SH3PXD2A: variants seen among roughly 807,000 people sequenced by gnomAD.
SH3PXD2A encodes the protein SH3 and PX domains 2A.
SH3PXD2A carries 32 observed loss-of-function variants against 115.2 expected under a neutral mutation model. The ratio of observed to expected loss-of-function variants is 0.28; its 90% CI spans 0.21 to 0.37. The LOEUF (loss-of-function observed/expected upper bound fraction) is 0.37. SH3PXD2A is among the 10% of genes least tolerant of loss of function. The pLI, the probability that SH3PXD2A is intolerant of heterozygous loss-of-function variation, is 1.00. For missense variants in SH3PXD2A, 1,328 were observed against 1,498.7 expected (o/e 0.89, Z 1.88); for synonymous variants, 610 against 629.1 (o/e 0.97, Z 0.45).
In SH3PXD2A at chr10:103,731,172, T is replaced by G. The variant is rs964826498; in HGVS notation, c.306+4560A>C. Among the ~76,000 whole-genome samples, 3 of 151,568 alleles carry G rather than the reference T, an allele frequency of 2.0e-5. 1 individual carries two copies. The highest frequency in any genetic ancestry group is 7.3e-5 in the African/African-American group (3 of 41,252). On this transcript the variant is annotated intron_variant, in intron 4 of 14. Transcript: ENST00000369774. ...TGAAGGAGTCCCGTTTTTGTTTTTT[T>G]TTTTTTGAAACAGGGTCTCACTGTG...
chr10:103,812,934 C>T (rs1242949443), intron 1 of SH3PXD2A, among the ~76,000 whole-genome samples: 5 of 152,150 alleles, frequency 3.3e-5, no homozygotes, highest in East Asian at 1.9e-4. Flanking sequence ...TTTATCCACA[C>T]AATTGTGTGT....
chr10:103,667,096 A>G (rs1489796287), intron 7 of SH3PXD2A, among the ~76,000 whole-genome samples: 3 of 152,130 alleles, frequency 2.0e-5, no homozygotes, highest in African/African-American at 7.2e-5. Context: ...CCTGTCTCAT[A>G]TCTCAAAGAA....
intron 4 of SH3PXD2A, among the ~76,000 whole-genome samples, chr10:103,728,276 G>A (rs2038267271): frequency 1.3e-5 from 2 of 152,232 alleles, no homozygotes; most frequent in African/African-American, 2.4e-5. Flanking sequence ...AGGAAGTTAA[G>A]CGAGATGAAT....
In SH3PXD2A at chr10:103,784,240, C is replaced by T. The variant is rs1242237156; in HGVS notation, c.153+17042G>A. On this transcript the variant is annotated intron_variant, in intron 2 of 14. Coordinates refer to ENST00000369774, the MANE Select transcript of SH3PXD2A (RefSeq NM_001394015.1). The surrounding 1 kb of genome is among the most constrained non-coding windows in gnomAD (Gnocchi z 4.4). ...TCCAGGTCCCGCCCTCCCTGGACTT[C>T]AGACCCCAAGAGGTCACAGAAGCAG... 6.6e-6 allele frequency among the ~76,000 whole-genome samples: 1 copy of T among 152,210 alleles called. No homozygotes were observed. The highest frequency in any genetic ancestry group is 6.5e-5 in the Admixed American group (1 of 15,292).
intron 6 of SH3PXD2A, among the ~76,000 whole-genome samples, chr10:103,688,452 G>T (rs1407358609): frequency 2.0e-5 from 3 of 152,228 alleles, no homozygotes; most frequent in Non-Finnish European, 4.4e-5. Context: ...AGTGTGGGAA[G>T]CGATGAGGAG....
chr10:103,620,994 G>A lies in SH3PXD2A; in HGVS notation c.802+1476C>T, dbSNP rs1200982661. Among the ~76,000 whole-genome samples the A allele has an allele frequency of 2.0e-5, 3 of 152,188 alleles. No homozygotes were observed. Among genetic ancestry groups the A allele is most frequent in the African/African-American group, 7.2e-5 (3 of 41,434 alleles). On this transcript the variant is annotated intron_variant, in intron 10 of 14. Transcript: ENST00000369774. The surrounding 1 kb of genome is among the most constrained non-coding windows in gnomAD (Gnocchi z 5.3). ...TGATGCATTTGTGGTGGTATAAACA[G>A]AAGACACATGGCACGGTGTATGCGT...
At chr10:103,810,825 C>T (rs2039258684) in intron 1 of SH3PXD2A, among the ~76,000 whole-genome samples, 1 of 107,524 alleles carries the variant, frequency 9.3e-6, no homozygotes, top group African/African-American at 2.8e-5. Flanking sequence ...CAGACATACA[C>T]ACAACACACA....
chr10:103,621,355 T>C lies in SH3PXD2A; in HGVS notation c.802+1115A>G, dbSNP rs141319783. On this transcript the variant is annotated intron_variant, in intron 10 of 14. Coordinates refer to ENST00000369774, the MANE Select transcript of SH3PXD2A (RefSeq NM_001394015.1). ...TTCTACAACTTGACCCCCAGCCCTGTGTCAGCCCACAGGGTCCAGCCCAGG... is the reference window on the plus strand; with the variant it reads ...TTCTACAACTTGACCCCCAGCCCTGCGTCAGCCCACAGGGTCCAGCCCAGG... Among the ~76,000 whole-genome samples the C allele has an allele frequency of 1.6e-3, 239 of 152,292 alleles. 1 individual carries two copies. The highest frequency in any genetic ancestry group is 5.3e-3 in the African/African-American group (219 of 41,576).
chr10:103,647,891 C>T (rs903411371), intron 8 of SH3PXD2A, among the ~76,000 whole-genome samples: 15 of 152,116 alleles, frequency 9.9e-5, no homozygotes, highest in Non-Finnish European at 1.9e-4. Flanking sequence ...GCCCAGGAGG[C>T]ACTGGTTAAG....
chr10:103,627,164 C>T lies in SH3PXD2A; in HGVS notation c.643G>A (p.Val215Ile). 1 of 1,612,888 alleles carries T rather than the reference C, an allele frequency of 6.2e-7. No homozygotes were observed. The change falls in exon 9 of 15, where the codon GTC becomes ATC. Residue 215 changes from valine (V) to isoleucine (I), a missense_variant. Transcript: ENST00000369774. The surrounding 1 kb of genome is among the most constrained non-coding windows in gnomAD (Gnocchi z 4.4). The stretch of plus-strand genomic sequence containing the variant: ...TGGGCCTCCAGGTAGGTGGCAGGGA[C>T]CCAGCCCTGCTCCTCAGAAGTGCTC... Reference protein sequence around the residue: ...FVSTSEEQGWVPATYLEAQNG... With the variant: ...FVSTSEEQGWIPATYLEAQNG...
In SH3PXD2A at chr10:103,701,985, ACCAT is replaced by A. The variant is rs1201218717; in HGVS notation, c.399-8933_399-8930del. On this transcript the variant is annotated intron_variant, in intron 5 of 14. Transcript: ENST00000369774. ...TCTACCATCCATCCAACATCCATCC[ACCAT>A]CCATCCATCCATCCATCTATCCATC... 5.5e-5 allele frequency among the ~76,000 whole-genome samples: 8 copies of A among 146,658 alleles called. No homozygotes were observed. The East Asian group carries it at 8.5e-4, about 16-fold the overall frequency.
rs143155160 is a variant in SH3PXD2A at position 103,648,226 on chromosome 10, G to C, written c.604+12757C>G. On this transcript the variant is annotated intron_variant, in intron 8 of 14. Transcript: ENST00000369774. ...AAGAAATGGGGTAGTAAAAGGGTCA[G>C]GCAAATCCCTACCCCGATACCAGTG... Among the ~76,000 whole-genome samples the C allele has an allele frequency of 4.1e-4, 62 of 152,308 alleles. No individual in the cohort carries two copies. In the East Asian group the frequency reaches 0.011, roughly 28 times the overall value.
intron 8 of SH3PXD2A, among the ~76,000 whole-genome samples, chr10:103,634,824 G>C (rs2036840554): frequency 6.6e-6 from 1 of 152,126 alleles, no homozygotes; most frequent in South Asian, 2.1e-4. Context: ...TGTGACCTGA[G>C]GAAAGTTACT....
intron 4 of SH3PXD2A, among the ~76,000 whole-genome samples, chr10:103,734,950 T>C (rs940582101): frequency 1.3e-5 from 2 of 152,206 alleles, no homozygotes; most frequent in African/African-American, 4.8e-5. Context: ...AGGCACCCTG[T>C]GTGTTCTCCT....
chr10:103,639,095 G>A (rs1001588261), intron 8 of SH3PXD2A, among the ~76,000 whole-genome samples: 3 of 152,172 alleles, frequency 2.0e-5, no homozygotes, highest in Admixed American at 6.5e-5. Flanking sequence ...GACTTGGCAC[G>A]AGACTGCTTG....
intron 5 of SH3PXD2A, among the ~76,000 whole-genome samples, chr10:103,719,445 C>T (rs2038150789): frequency 6.6e-6 from 1 of 152,242 alleles, no homozygotes; most frequent in Non-Finnish European, 1.5e-5. Flanking sequence ...AATCATGTCA[C>T]AGTCGTACTT....
intron 2 of SH3PXD2A, among the ~76,000 whole-genome samples, chr10:103,793,246 A>G (rs763959232): frequency 6.6e-6 from 1 of 152,198 alleles, no homozygotes; most frequent in African/African-American, 2.4e-5. Context: ...TCGGATACCA[A>G]TCTGGAGTAC....
intron 3 of SH3PXD2A, among the ~76,000 whole-genome samples, chr10:103,739,606 C>T (rs545844865): frequency 3.9e-5 from 6 of 152,200 alleles, no homozygotes; most frequent in East Asian, 1.9e-4. Context: ...TGAAGGAAGC[C>T]GGGACCACAG....
At chr10:103,605,391 C>T (rs2036284785) in intron 14 of SH3PXD2A, among the ~76,000 whole-genome samples, 3 of 152,204 alleles carry the variant, frequency 2.0e-5, no homozygotes, top group Non-Finnish European at 2.9e-5. Context: ...TTCTAGACCC[C>T]TTGTAGGTGA....
Sources: gnomAD v4.1 joint callset for allele counts (sites outside exome capture counted in the v4.1 genomes callset) on GRCh38, gnomAD v4.1.1 for gene constraint, Gnocchi (gnomAD v3.1) non-coding constraint, MANE v1.5 for transcripts, NCBI Gene and HGNC (gene_info 2026-07-23, HGNC 2026-07-21) for gene names.